Variants in ADAMTSL1 observed in about 807,000 individuals in gnomAD.
ADAMTSL1 encodes the protein ADAMTS like 1.
A neutral mutation model predicts 201.8 loss-of-function variants in ADAMTSL1; 126 were observed. That is an observed-to-expected ratio of 0.62 (90% CI 0.54 to 0.72). The LOEUF is 0.72. Among genes scored for constraint, ADAMTSL1 ranks in the 30% least tolerant of loss-of-function variants. ADAMTSL1 has a pLI of 0.00. For missense variants in ADAMTSL1, 2,679 were observed against 2,277.8 expected, an observed-to-expected ratio of 1.18 and a Z score of -3.59; for synonymous variants, 1,121 against 903.4, an observed-to-expected ratio of 1.24 and a Z score of -4.32.
chr9:18,456,324 C>T (rs1820601116), intron 2 of ADAMTSL1, among the ~76,000 whole-genome samples: 1 of 152,194 alleles, frequency 6.6e-6, no homozygotes, highest in African/African-American at 2.4e-5. Context: ...TTGAGTGTGG[C>T]TCCCATGCAG....
chr9:18,486,486 T>G (rs1342932771), intron 1 of ADAMTSL1, among the ~76,000 whole-genome samples: 1 of 152,180 alleles, frequency 6.6e-6, no homozygotes, highest in Non-Finnish European at 1.5e-5. Flanking sequence ...GGAGGATCGC[T>G]TGAGCCCAGG....
At chr9:18,791,522 GA>G (rs900281811) in intron 19 of ADAMTSL1, among the ~76,000 whole-genome samples, 7 of 148,892 alleles carry the variant, frequency 4.7e-5, no homozygotes, top group Non-Finnish European at 9.0e-5. Flanking sequence ...TTATAGGGTG[GA>G]AAAAAAAAAG....
At position 18,906,814 on chromosome 9, in the gene ADAMTSL1, T is replaced by C. The variant is rs1023491056; in HGVS notation, c.5084T>C (p.Val1695Ala). Residue 1695 changes from valine (V) to alanine (A), a missense_variant, in exon 28 of 29, where the codon GTG (valine) becomes GCG (alanine). Coordinates refer to ENST00000380548, the MANE Select transcript of ADAMTSL1 (RefSeq NM_001040272.6). ...TTCCAGTCCCGGCGTGTGGAGTGTG[T>C]GCATGCCCGCACCAACAAGGCAGTG... ...YGFQSRRVEC[V>A]HARTNKAVPE... is the part of the protein sequence containing the mutation. 2 of 1,613,858 alleles carry C rather than the reference T, an allele frequency of 1.2e-6. No homozygotes were observed. Among genetic ancestry groups the C allele is most frequent in the African/African-American group, 2.7e-5 (2 of 74,936 alleles).
At chr9:18,583,221 T>G (rs1000653083) in intron 4 of ADAMTSL1, among the ~76,000 whole-genome samples, 6 of 152,150 alleles carry the variant, frequency 3.9e-5, no homozygotes, top group Non-Finnish European at 8.8e-5. Context: ...AGGATCCCCA[T>G]GCTGTGTGCA....
chr9:18,475,629 A>C (rs760451394), intron 1 of ADAMTSL1, among the ~76,000 whole-genome samples: 1 of 152,246 alleles, frequency 6.6e-6, no homozygotes, highest in Non-Finnish European at 1.5e-5. Flanking sequence ...TACAAAGAAC[A>C]GAATGTTTAG....
chr9:18,791,915 T>C (rs2133824842), intron 19 of ADAMTSL1, among the ~76,000 whole-genome samples: 2 of 152,312 alleles, frequency 1.3e-5, no homozygotes, highest in East Asian at 3.9e-4. Flanking sequence ...GTAGGAATTC[T>C]TTTCCAGGCT....
intron 1 of ADAMTSL1, among the ~76,000 whole-genome samples, chr9:18,488,753 A>T (rs1008610463): frequency 6.6e-6 from 1 of 152,188 alleles, no homozygotes; most frequent in Non-Finnish European, 1.5e-5. Flanking sequence ...TCCCTACCTC[A>T]TTCCAGAAAC....
At chr9:18,485,299 GA>G (rs1487005002) in intron 1 of ADAMTSL1, among the ~76,000 whole-genome samples, 4 of 151,784 alleles carry the variant, frequency 2.6e-5, no homozygotes, top group Admixed American at 1.3e-4. Flanking sequence ...GATTTCAGAA[GA>G]AAAAAAATAA....
At chr9:18,649,951 C>T (rs776788) in intron 7 of ADAMTSL1, among the ~76,000 whole-genome samples, 2 of 151,900 alleles carry the variant, frequency 1.3e-5, no homozygotes, top group South Asian at 2.1e-4. Context: ...AGTCTGCAGA[C>T]GTTACTGCTG....
chr9:18,034,853 C>T (rs564816790), intron 1 of ADAMTSL1, among the ~76,000 whole-genome samples: 2 of 152,216 alleles, frequency 1.3e-5, no homozygotes, highest in African/African-American at 2.4e-5. Flanking sequence ...AAGTTGTATT[C>T]GTCTCTGAGC....
At chr9:18,456,765 T>C (rs907504005) in intron 2 of ADAMTSL1, among the ~76,000 whole-genome samples, 1 of 152,242 alleles carries the variant, frequency 6.6e-6, no homozygotes, top group Admixed American at 6.5e-5. Context: ...ACTGTGATCT[T>C]GGTTCAAAGG....
At chr9:18,540,466 A>G (rs978013754) in intron 3 of ADAMTSL1, among the ~76,000 whole-genome samples, 17 of 152,166 alleles carry the variant, frequency 1.1e-4, no homozygotes, top group African/African-American at 4.1e-4. Flanking sequence ...TGACATTTAA[A>G]TGTCCTTAGT....
chr9:18,004,842 T>C (rs1470643762), intron 1 of ADAMTSL1, among the ~76,000 whole-genome samples: 1 of 151,946 alleles, frequency 6.6e-6, no homozygotes, highest in Non-Finnish European at 1.5e-5. Context: ...AGGAGGAAAA[T>C]TGAATCAAAA....
In ADAMTSL1 at chr9:18,208,450, C is replaced by T. The variant is rs139819115; in HGVS notation, c.207+44469C>T. Among the ~76,000 whole-genome samples the T allele has an allele frequency of 2.2e-4, 33 of 152,208 alleles. No homozygotes were observed. In the East Asian group the frequency reaches 4.1e-3, roughly 19 times the overall value. Reference sequence around the variant, plus strand: ...TGCAGCCCATGGATCATCAGATACACGGCAACCAATGAGTGTCCAAGCAGT... The same window carrying T: ...TGCAGCCCATGGATCATCAGATACATGGCAACCAATGAGTGTCCAAGCAGT... On this transcript the variant is annotated intron_variant, in intron 2 of 29. Coordinates refer to the ADAMTSL1 transcript ENST00000680146.
intron 23 of ADAMTSL1, among the ~76,000 whole-genome samples, chr9:18,850,878 A>G (rs1386778851): frequency 6.6e-6 from 1 of 152,222 alleles, no homozygotes; most frequent in Non-Finnish European, 1.5e-5. Flanking sequence ...AGCAAGAAAA[A>G]GGAAAGAGTA....
chr9:18,588,633 A>G (rs1292890082), intron 4 of ADAMTSL1, among the ~76,000 whole-genome samples: 1 of 151,764 alleles, frequency 6.6e-6, no homozygotes. Context: ...TTAATTTTAT[A>G]TTTACTAAAA....
chr9:18,435,207 C>G (rs1819672726), intron 2 of ADAMTSL1, among the ~76,000 whole-genome samples: 1 of 152,118 alleles, frequency 6.6e-6, no homozygotes, highest in Admixed American at 6.6e-5. Context: ...TGTACAAGGA[C>G]TTATATTAGA....
At chr9:18,204,326 C>T (rs539595181) in intron 2 of ADAMTSL1, among the ~76,000 whole-genome samples, 28 of 152,138 alleles carry the variant, frequency 1.8e-4, no homozygotes, top group African/African-American at 6.5e-4. Context: ...ATAGGTGGCT[C>T]TTTCCCCTTC....
At chr9:18,063,962 C>G (rs1048279630) in intron 1 of ADAMTSL1, among the ~76,000 whole-genome samples, 1 of 152,134 alleles carries the variant, frequency 6.6e-6, no homozygotes, top group Non-Finnish European at 1.5e-5. Context: ...ACAGGACTCA[C>G]ATTTTATCCC....
Sources: allele counts gnomAD v4.1 joint callset (sites outside exome capture counted in the v4.1 genomes callset), GRCh38; gene constraint gnomAD v4.1.1; transcripts MANE v1.5; gene names NCBI Gene and HGNC (gene_info 2026-07-23, HGNC 2026-07-21).